Variants in PLXNA4 observed in about 807,000 individuals in gnomAD.
The protein encoded by PLXNA4 is plexin A4, also known as plexin-A4.
A neutral mutation model predicts 191.8 loss-of-function variants in PLXNA4; 44 were observed. The ratio of observed to expected loss-of-function variants is 0.23; its 90% CI spans 0.18 to 0.29. The LOEUF (loss-of-function observed/expected upper bound fraction) is 0.29. Among genes scored for constraint, PLXNA4 ranks in the 10% least tolerant of loss-of-function variants. PLXNA4 has a pLI of 1.00. For missense variants in PLXNA4, 1,800 were observed against 2,488.8 expected, an observed-to-expected ratio of 0.72 and a Z score of 5.89; for synonymous variants, 1,082 against 1,009.5, an observed-to-expected ratio of 1.07 and a Z score of -1.36.
At chr7:132,434,967 G>T (rs1795412209) in intron 3 of PLXNA4, among the ~76,000 whole-genome samples, 1 of 152,142 alleles carries the variant, frequency 6.6e-6, no homozygotes, top group African/African-American at 2.4e-5. Context: ...GGCCACCCTG[G>T]GAAGAGACAC....
intron 10 of PLXNA4, among the ~76,000 whole-genome samples, chr7:132,205,288 G>A (rs934525972): frequency 2.0e-5 from 3 of 152,258 alleles, no homozygotes; most frequent in East Asian, 3.9e-4. Context: ...CACCCGGGGG[G>A]CCTACTAAAA....
At chr7:132,641,925 G>A (rs1803751009) in intron 2 of PLXNA4, among the ~76,000 whole-genome samples, 1 of 152,170 alleles carries the variant, frequency 6.6e-6, no homozygotes, top group African/African-American at 2.4e-5. Context: ...GCATTTAAAA[G>A]TGAGACACAT....
At chr7:132,593,725 G>A (rs1485845756) in intron 2 of PLXNA4, among the ~76,000 whole-genome samples, 2 of 152,224 alleles carry the variant, frequency 1.3e-5, no homozygotes, top group Non-Finnish European at 2.9e-5. Context: ...CCTGAAGACA[G>A]GAGAAAGAGG....
At chr7:132,301,578 G>A (rs1399842065) in intron 3 of PLXNA4, among the ~76,000 whole-genome samples, 1 of 152,162 alleles carries the variant, frequency 6.6e-6, no homozygotes, top group Non-Finnish European at 1.5e-5. Flanking sequence ...CAGTGGTCAT[G>A]CTTCTATGAG....
chr7:132,372,927 T>C (rs1029398596), intron 3 of PLXNA4, among the ~76,000 whole-genome samples: 1 of 152,132 alleles, frequency 6.6e-6, no homozygotes, highest in Non-Finnish European at 1.5e-5. Flanking sequence ...GCCTTGAAAA[T>C]TGGCATTTCT....
intron 3 of PLXNA4, among the ~76,000 whole-genome samples, chr7:132,348,019 G>T (rs1803318822): frequency 6.6e-6 from 1 of 152,156 alleles, no homozygotes; most frequent in Non-Finnish European, 1.5e-5. Context: ...CATTCCATTT[G>T]CCTCCCAGTT....
intron 3 of PLXNA4, among the ~76,000 whole-genome samples, chr7:132,359,468 C>T (rs1445218858): frequency 5.3e-5 from 8 of 152,086 alleles, no homozygotes; most frequent in African/African-American, 1.9e-4. Context: ...CTGCCTGCCA[C>T]GGTCTCCCAA....
At chr7:132,574,056 C>T (rs996192056) in intron 1 of PLXNA4, among the ~76,000 whole-genome samples, 7 of 152,206 alleles carry the variant, frequency 4.6e-5, no homozygotes, top group Non-Finnish European at 7.3e-5. Context: ...TTAATTAATG[C>T]CTGCCTTGTC....
At chr7:132,388,271 C>G (rs996830330) in intron 3 of PLXNA4, among the ~76,000 whole-genome samples, 1 of 152,138 alleles carries the variant, frequency 6.6e-6, no homozygotes, top group African/African-American at 2.4e-5. Context: ...TTCGATCCGA[C>G]TTCCATAGGA....
At chr7:132,537,661 G>A (rs972625194) in intron 1 of PLXNA4, among the ~76,000 whole-genome samples, 2 of 152,234 alleles carry the variant, frequency 1.3e-5, no homozygotes, top group Admixed American at 6.5e-5. Context: ...ATGCTCTACT[G>A]TGCTGCATGG....
At chr7:132,595,748 C>G (rs1802698723) in intron 2 of PLXNA4, among the ~76,000 whole-genome samples, 1 of 152,082 alleles carries the variant, frequency 6.6e-6, no homozygotes, top group South Asian at 2.1e-4. Flanking sequence ...AGTATTGTGA[C>G]AAAGTTGCTT....
intron 4 of PLXNA4, among the ~76,000 whole-genome samples, chr7:132,269,702 A>T (rs1031129850): frequency 1.3e-5 from 2 of 152,042 alleles, no homozygotes; most frequent in Non-Finnish European, 2.9e-5. Flanking sequence ...TTCCAAAAAC[A>T]TATCCCTCTG....
intron 31 of PLXNA4, 63 bp downstream of exon 31, chr7:132,132,986 C>A: frequency 6.4e-7 from 1 of 1,572,352 alleles, no homozygotes; most frequent in East Asian, 2.2e-5. Flanking sequence ...CGGAGGCATG[C>A]AGGGTTGTCT....
intron 21 of PLXNA4, among the ~76,000 whole-genome samples, chr7:132,169,408 C>T (rs946180409): frequency 6.6e-6 from 1 of 152,164 alleles, no homozygotes; most frequent in Non-Finnish European, 1.5e-5. Context: ...GCATTGCAAT[C>T]CTGTCAGTCA....
At chr7:132,225,299 C>A (rs1798279021) in intron 8 of PLXNA4, among the ~76,000 whole-genome samples, 2 of 152,230 alleles carry the variant, frequency 1.3e-5, no homozygotes, top group South Asian at 2.1e-4. Context: ...CCCTTTTACC[C>A]CTTGTGGCTG....
chr7:132,436,145 TC>T (rs1226941946), intron 3 of PLXNA4, among the ~76,000 whole-genome samples: 3 of 152,136 alleles, frequency 2.0e-5, no homozygotes, highest in Non-Finnish European at 4.4e-5. Flanking sequence ...GGAGACTCTG[TC>T]CCTGGAAAGC....
intron 14 of PLXNA4, among the ~76,000 whole-genome samples, chr7:132,190,990 T>A (rs1383860450): frequency 6.6e-6 from 1 of 152,232 alleles, no homozygotes; most frequent in Non-Finnish European, 1.5e-5. Context: ...GACTGAGGAC[T>A]GGGTCCCGAG....
chr7:132,444,007 T>A (rs1372609600), intron 3 of PLXNA4, among the ~76,000 whole-genome samples: 5 of 152,206 alleles, frequency 3.3e-5, no homozygotes, highest in African/African-American at 1.2e-4. Flanking sequence ...CCTGCCTTTG[T>A]TCTTTCTCTG....
chr7:132,383,010 C>A (rs898559437), intron 3 of PLXNA4, among the ~76,000 whole-genome samples: 1 of 152,090 alleles, frequency 6.6e-6, no homozygotes, highest in African/African-American at 2.4e-5. Flanking sequence ...TTCCTTTGTA[C>A]TTCTTCTGTA....
Sources: gnomAD v4.1 joint callset for allele counts (sites outside exome capture counted in the v4.1 genomes callset) on GRCh38, gnomAD v4.1.1 for gene constraint, MANE v1.5 for transcripts, NCBI Gene and HGNC (gene_info 2026-07-23, HGNC 2026-07-21) for gene names.